The following DOCK3 variants were observed in gnomAD, a reference collection of about 807,000 sequenced individuals.
DOCK3 encodes the protein dedicator of cytokinesis protein 3.
Under a neutral mutation model 265.6 loss-of-function variants are expected in DOCK3, and 60 were observed. The ratio of observed to expected loss-of-function variants is 0.23; its 90% confidence interval spans 0.18 to 0.28. DOCK3 has a LOEUF of 0.28. Ranked by LOEUF, DOCK3 falls within the 10% of genes least tolerant of loss-of-function variation. The pLI, the probability that DOCK3 is intolerant of heterozygous loss-of-function variation, is 1.00. For missense variants in DOCK3, 1,981 were observed against 2,594.3 expected (o/e 0.76, Z 5.14); for synonymous variants, 881 against 938.0 (o/e 0.94, Z 1.11).
intron 5 of DOCK3, among the ~76,000 whole-genome samples, chr3:50,975,167 C>G (rs1006602657): frequency 2.7e-5 from 4 of 146,906 alleles, no homozygotes; most frequent in African/African-American, 9.9e-5. Context: ...GCCAGAACTT[C>G]CAACACTATG....
At chr3:51,029,710 G>T (rs958399167) in intron 5 of DOCK3, among the ~76,000 whole-genome samples, 1 of 152,164 alleles carries the variant, frequency 6.6e-6, no homozygotes, top group Non-Finnish European at 1.5e-5. Flanking sequence ...ACTCCCTGGG[G>T]ATCCAACAGT....
chr3:50,930,863 G>C (rs140038119), intron 4 of DOCK3, among the ~76,000 whole-genome samples: 5 of 152,112 alleles, frequency 3.3e-5, no homozygotes, highest in Non-Finnish European at 7.4e-5. Flanking sequence ...GCTGATCCCC[G>C]AAGTGGGCAC....
intron 18 of DOCK3, 26 bp downstream of exon 18, chr3:51,228,858 T>C (rs2090435589): frequency 6.2e-7 from 1 of 1,609,606 alleles, no homozygotes; most frequent in Non-Finnish European, 8.5e-7. Context: ...TGCAGGGTGG[T>C]GCCCTCCACC....
intron 6 of DOCK3, among the ~76,000 whole-genome samples, chr3:51,071,686 C>A (rs1374260306): frequency 6.6e-6 from 1 of 152,184 alleles, no homozygotes. Context: ...TACAGACCAG[C>A]CGATCTGACA....
chr3:50,963,042 G>C (rs571240342), intron 5 of DOCK3, among the ~76,000 whole-genome samples: 1 of 152,062 alleles, frequency 6.6e-6, no homozygotes, highest in Non-Finnish European at 1.5e-5. Flanking sequence ...AAAATTAGCC[G>C]GGTGTGGTGG....
In DOCK3 at chr3:51,343,653, T is replaced by G. The variant is rs971576997; in HGVS notation, c.3915+2268T>G. Among the ~76,000 whole-genome samples, 57 of 152,212 alleles carry G rather than the reference T, an allele frequency of 3.7e-4. 1 individual carries two copies. Among genetic ancestry groups the G allele is most frequent in the Admixed American group, 3.3e-3 (51 of 15,282 alleles). On this transcript the variant is annotated intron_variant, in intron 38 of 52. Coordinates refer to ENST00000266037, the MANE Select transcript of DOCK3 (RefSeq NM_004947.5). ...TGTAGATGGGGATGCATTGCACCTG[T>G]AGTACACTTGCTACCTCTGTGCAGA...
intron 14 of DOCK3, among the ~76,000 whole-genome samples, chr3:51,220,140 C>T (rs2090000170): frequency 1.3e-5 from 2 of 152,096 alleles, no homozygotes; most frequent in South Asian, 2.1e-4. Context: ...TGGTTGCATA[C>T]CTAAAACCAT....
chr3:50,906,112 C>T (rs2049481564), intron 4 of DOCK3, among the ~76,000 whole-genome samples: 1 of 152,016 alleles, frequency 6.6e-6, no homozygotes, highest in Admixed American at 6.6e-5. Flanking sequence ...AGAGATAAAG[C>T]CCACTTGATC....
intron 9 of DOCK3, among the ~76,000 whole-genome samples, chr3:51,125,536 G>A (rs1219503876): frequency 2.0e-5 from 3 of 152,090 alleles, no homozygotes; most frequent in African/African-American, 7.2e-5. Context: ...GCTGTGACAT[G>A]TAATATCATA....
At chr3:51,176,951 C>A (rs2086994887) in intron 12 of DOCK3, among the ~76,000 whole-genome samples, 1 of 152,104 alleles carries the variant, frequency 6.6e-6, no homozygotes, top group African/African-American at 2.4e-5. Context: ...CAAATCCTAC[C>A]TAATTCCATC....
chr3:51,015,421 T>C (rs2079112141), intron 5 of DOCK3, among the ~76,000 whole-genome samples: 5 of 151,858 alleles, frequency 3.3e-5, no homozygotes, highest in Admixed American at 1.3e-4. Flanking sequence ...TTGATGTGAT[T>C]TAGCACATTG....
intron 12 of DOCK3, among the ~76,000 whole-genome samples, chr3:51,205,681 C>T (rs1006649946): frequency 1.3e-5 from 2 of 151,850 alleles, no homozygotes; most frequent in African/African-American, 2.4e-5. Flanking sequence ...CCAGCCTGGG[C>T]GACAGTGAGA....
intron 9 of DOCK3, among the ~76,000 whole-genome samples, chr3:51,105,093 T>C (rs2083232994): frequency 1.3e-5 from 2 of 152,132 alleles, no homozygotes; most frequent in Admixed American, 1.3e-4. Flanking sequence ...AATAAAGACT[T>C]GGGAAATAAG....
rs1489877066 is a variant in DOCK3 at position 51,310,297 on chromosome 3, C to A, written c.2988C>A (p.Asp996Glu). ...TGAAGATGAGTGTCTTCCCTCGGGA[C>A]TGGATGGTAATGAGACTGCTCACAA... ...NLMKMSVFPR[D>E]WMVMRLLTSN... Residue 996 changes from aspartate (D) to glutamate (E), a missense_variant, in exon 28 of 53, where the codon GAC becomes GAA. Asp to Glu is a conservative substitution (Grantham distance 45). Coordinates refer to ENST00000266037, the MANE Select transcript of DOCK3 (RefSeq NM_004947.5). 6.2e-7 allele frequency: 1 copy of A among 1,603,854 alleles called. No individual in the cohort carries two copies. Among genetic ancestry groups the A allele is most frequent in the Admixed American group, 1.7e-5 (1 of 58,448 alleles).
chr3:51,251,368 C>T (rs1001615660), intron 22 of DOCK3, among the ~76,000 whole-genome samples: 3 of 152,174 alleles, frequency 2.0e-5, no homozygotes, highest in Non-Finnish European at 4.4e-5. Flanking sequence ...ATTTATAATC[C>T]TTTGGGTATA....
intron 23 of DOCK3, among the ~76,000 whole-genome samples, chr3:51,269,112 T>TCTCA (rs1466984717): frequency 6.7e-6 from 1 of 148,390 alleles, no homozygotes; most frequent in Non-Finnish European, 1.5e-5. Flanking sequence ...TCTCTCTCTC[T>TCTCA]CTCACTGTCT....
At chr3:50,844,250 C>G (rs2045977208) in intron 3 of DOCK3, among the ~76,000 whole-genome samples, 1 of 152,196 alleles carries the variant, frequency 6.6e-6, no homozygotes, top group Non-Finnish European at 1.5e-5. Flanking sequence ...GAGTCTCACT[C>G]TGTCATCCAG....
At chr3:50,692,908 G>A (rs755843052) in intron 1 of DOCK3, among the ~76,000 whole-genome samples, 2 of 151,988 alleles carry the variant, frequency 1.3e-5, no homozygotes, top group African/African-American at 2.4e-5. Context: ...GTCAATTTTC[G>A]TATGTGTTAT....
intron 2 of DOCK3, among the ~76,000 whole-genome samples, chr3:50,794,321 G>C (rs2042650267): frequency 6.6e-6 from 1 of 152,152 alleles, no homozygotes; most frequent in Non-Finnish European, 1.5e-5. Context: ...ATTGAATACT[G>C]TCAGTGGCAT....
Sources: gnomAD v4.1 joint callset for allele counts (sites outside exome capture counted in the v4.1 genomes callset) on GRCh38, gnomAD v4.1.1 for gene constraint, MANE v1.5 for transcripts, NCBI Gene and HGNC (gene_info 2026-07-23, HGNC 2026-07-21) for gene names.